ZDHHC4: variants seen among roughly 807,000 people sequenced by gnomAD.
ZDHHC4 encodes the protein palmitoyltransferase ZDHHC4.
A neutral mutation model predicts 36.7 loss-of-function variants in ZDHHC4; 42 were observed. The ratio of observed to expected loss-of-function variants is 1.14; its 90% CI spans 0.89 to 1.48. The LOEUF (loss-of-function observed/expected upper bound fraction) is 1.48, where lower values mean the gene tolerates loss of function less well. ZDHHC4 is among the 40% of genes most tolerant of loss of function. The pLI, the probability that ZDHHC4 is intolerant of heterozygous loss-of-function variation, is 0.00. For missense variants in ZDHHC4, 457 were observed against 421.5 expected (o/e 1.08, Z -0.74); for synonymous variants, 189 against 166.6 (o/e 1.13, Z -1.03).
At position 6,583,361 on chromosome 7, in the gene ZDHHC4, A is replaced by C. The variant is rs1450150597; in HGVS notation, c.426A>C (p.Glu142Asp). 1.2e-6 allele frequency: 2 copies of C among 1,613,806 alleles called. No individual in the cohort carries two copies. The highest frequency in any genetic ancestry group is 1.7e-6 in the Non-Finnish European group (2 of 1,179,942). Reference sequence around the variant, plus strand: ...TTCTTCATGTTTATGAATTTGATGAAGTGATGTTTCCAAAGAACGTGAGGT... The same window carrying C: ...TTCTTCATGTTTATGAATTTGATGACGTGATGTTTCCAAAGAACGTGAGGT... ...LLFLHVYEFD[E>D]VMFPKNVRCS... The change falls in exon 6 of 8, where the codon GAA (glutamate) becomes GAC (aspartate). Residue 142 changes from glutamate (E) to aspartate (D), a missense_variant. By Grantham distance (45) the Glu-to-Asp change is conservative (BLOSUM62 2). Transcript: ENST00000335965.
rs755793903 is a variant in ZDHHC4, at chr7:6,580,695, G to C, written c.117+17G>C. The C allele has an allele frequency of 6.2e-7, 1 of 1,605,574 alleles. No homozygotes were observed. Among genetic ancestry groups the C allele is most frequent in the Non-Finnish European group, 8.5e-7 (1 of 1,172,332 alleles). ...GGAGCACAGGTAAGGATGATCCTTG[G>C]ATGGCACTGGAATTTGAATACTGTG... On this transcript the variant is annotated intron_variant, in intron 3 of 7. Transcript: ENST00000335965.
At chr7:6,578,906 T>C (rs145318293) in intron 2 of ZDHHC4, among the ~76,000 whole-genome samples, 186 bp downstream of exon 2, 1,564 of 152,264 alleles carry the variant, frequency 0.01, 27 homozygotes, top group African/African-American at 0.035. Context: ...CAGGGTCTCA[T>C]GCTGTCGCCC....
chr7:6,583,447 G>A lies in ZDHHC4; in HGVS notation c.496+16G>A, dbSNP rs757555956. 30 of 1,599,578 alleles carry A rather than the reference G, an allele frequency of 1.9e-5. No homozygotes were observed. The Admixed American group carries it at 2.9e-4, about 16-fold the overall frequency. On this transcript the variant is annotated intron_variant, in intron 6 of 7. Coordinates refer to ENST00000335965, the MANE Select transcript of ZDHHC4 (RefSeq NM_001134389.2). Reference sequence around the variant, plus strand: ...AAGCACTGCAGTGAGTGTGGCTCTCGTGACTCCAGCGGCACCTCCAACAGC... The same window carrying A: ...AAGCACTGCAGTGAGTGTGGCTCTCATGACTCCAGCGGCACCTCCAACAGC...
At chr7:6,583,910 AAAATAC>A (rs1223162987) in intron 6 of ZDHHC4, 1 of 153,106 alleles carries the variant, frequency 6.5e-6, no homozygotes, top group Non-Finnish European at 1.5e-5. Context: ...ACCTCTACAA[AAAATAC>A]AAAAGATGTA....
chr7:6,589,082 T>C lies in ZDHHC4; in HGVS notation c.*172T>C. On this transcript the variant is annotated 3_prime_UTR_variant, in exon 8 of 8. Coordinates refer to ENST00000335965, the MANE Select transcript of ZDHHC4 (RefSeq NM_001134389.2). The stretch of plus-strand genomic sequence containing the variant: ...GACTGAGGAATCCCCCTTGCTTGTC[T>C]TCTTTTGAAACCGGGCATCTCTGAA... 1 of 785,502 alleles carries C rather than the reference T, an allele frequency of 1.3e-6. No homozygotes were observed. Among genetic ancestry groups the C allele is most frequent in the Non-Finnish European group, 2.0e-6 (1 of 504,488 alleles). 48.7% of individuals were successfully genotyped at this position (785,502 alleles called of 1,614,324 possible). A position where few individuals can be genotyped will look rare whatever the true frequency, so the allele number is the denominator to read the frequency against.
At chr7:6,583,663 C>A (rs1201847659) in intron 6 of ZDHHC4, 2 of 457,574 alleles carry the variant, frequency 4.4e-6, no homozygotes, top group African/African-American at 2.0e-5. Context: ...CTTCCCTCGC[C>A]ACGTGGCAGG....
In ZDHHC4 at chr7:6,581,594, C is replaced by G. The variant is rs1229836901; in HGVS notation, c.118-13C>G. ...GAAATGAAATTGAGTCTTTCTCTTT[C>G]CTTTTGTTTCAGATATTTTCCTGTA... On this transcript the variant is annotated splice_polypyrimidine_tract_variant and intron_variant, in intron 3 of 7. Transcript: ENST00000335965. 2 of 1,600,196 alleles carry G rather than the reference C, an allele frequency of 1.2e-6. No homozygotes were observed. Among genetic ancestry groups the G allele is most frequent in the Non-Finnish European group, 1.7e-6 (2 of 1,168,124 alleles).
chr7:6,580,746 G>A (rs1780786175), intron 3 of ZDHHC4, 68 bp downstream of exon 3: 2 of 1,493,668 alleles, frequency 1.3e-6, no homozygotes, highest in Non-Finnish European at 9.3e-7. Context: ...CACAGGTTTT[G>A]CTACAGGACA....
chr7:6,586,378 C>T (rs2115188179), intron 7 of ZDHHC4, among the ~76,000 whole-genome samples: 1 of 152,310 alleles, frequency 6.6e-6, no homozygotes, highest in Non-Finnish European at 1.5e-5. Context: ...CTGGACACTT[C>T]ATATAAATGG....
At chr7:6,581,710 C>A in intron 4 of ZDHHC4, 30 bp downstream of exon 4, 1 of 1,518,576 alleles carries the variant, frequency 6.6e-7, no homozygotes, top group South Asian at 1.1e-5. Context: ...TAAATATTCT[C>A]CTCTTTTCTG....
In ZDHHC4 at chr7:6,588,968, G is replaced by A. The variant is rs866818319; in HGVS notation, c.*58G>A. 7.1e-6 allele frequency: 11 copies of A among 1,552,778 alleles called. No individual in the cohort carries two copies. Among genetic ancestry groups the A allele is most frequent in the Middle Eastern group, 1.7e-4 (1 of 5,766 alleles). ...CGTTTATTTACACATGTGGATCCTC[G>A]TTTTCCAAGCATGGCTTGTTTGTTT... On this transcript the variant is annotated 3_prime_UTR_variant, in exon 8 of 8. Coordinates refer to ENST00000335965, the MANE Select transcript of ZDHHC4 (RefSeq NM_001134389.2).
At chr7:6,582,399 A>AT (rs376561136) in intron 5 of ZDHHC4, 148 bp downstream of exon 5, 4,509 of 733,580 alleles carry the variant, frequency 6.1e-3, no homozygotes, top group South Asian at 9.5e-3. Context: ...GTGTTTTCTA[A>AT]TTTTTTTTTT....
Position 6,589,017 on chromosome 7 carries a change from C to T in ZDHHC4, c.*107C>T, listed in dbSNP as rs1781478865. On this transcript the variant is annotated 3_prime_UTR_variant, in exon 8 of 8. Coordinates refer to ENST00000335965, the MANE Select transcript of ZDHHC4 (RefSeq NM_001134389.2). Reference sequence around the variant, plus strand: ...TTTGATTTCTGCTGTGCTTATAAATCACTTTCGGTGGGCAAGGGAGAGAGG... The same window carrying T: ...TTTGATTTCTGCTGTGCTTATAAATTACTTTCGGTGGGCAAGGGAGAGAGG... The T allele has an allele frequency of 7.1e-7, 1 of 1,418,396 alleles. No individual in the cohort carries two copies. The highest frequency in any genetic ancestry group is 2.1e-4 in the Middle Eastern group (1 of 4,714). 87.9% of individuals were successfully genotyped at this position (1,418,396 alleles called of 1,614,324 possible).
chr7:6,581,756 G>A, intron 4 of ZDHHC4, 76 bp downstream of exon 4: 1 of 1,242,580 alleles, frequency 8.0e-7, no homozygotes, highest in East Asian at 2.4e-5. Flanking sequence ...TCTAGCTTCA[G>A]GAAGCTCCTT....
intron 6 of ZDHHC4, chr7:6,584,136 T>A (rs886336544): frequency 6.6e-6 from 1 of 152,212 alleles, no homozygotes; most frequent in Non-Finnish European, 1.5e-5. Context: ...ATCAGGATGT[T>A]ATTTAACCTA....
chr7:6,578,083 G>T (rs1330385147), intron 1 of ZDHHC4, among the ~76,000 whole-genome samples: 1 of 152,100 alleles, frequency 6.6e-6, no homozygotes, highest in Non-Finnish European at 1.5e-5. Flanking sequence ...ACCCGCCTCG[G>T]CCTCCCAAAG....
At chr7:6,583,777 C>CT (rs1267862288) in intron 6 of ZDHHC4, 1 of 180,384 alleles carries the variant, frequency 5.5e-6, no homozygotes, top group Non-Finnish European at 1.1e-5. Context: ...CCCGTGCTGT[C>CT]TAACAAAAAT....
intron 6 of ZDHHC4, chr7:6,583,951 G>A (rs1294380524): frequency 6.6e-6 from 1 of 152,580 alleles, no homozygotes; most frequent in Non-Finnish European, 1.5e-5. Flanking sequence ...GGAGGCTGAG[G>A]CGGGAGGATC....
chr7:6,585,172 A>G lies in ZDHHC4; in HGVS notation c.653A>G (p.His218Arg), dbSNP rs1179430763. The change falls in exon 7 of 8, where the codon CAC (histidine) becomes CGC (arginine). Residue 218 changes from histidine to arginine, a missense_variant. Coordinates refer to ENST00000335965, the MANE Select transcript of ZDHHC4 (RefSeq NM_001134389.2). ...ATTGTGAGCACCACTTTTCTGGTCC[A>G]CTTGGTGGTGATGTCAGATTTATAC... ...VAIVSTTFLV[H>R]LVVMSDLYQE... is the part of the protein sequence containing the mutation. 1 of 1,614,172 alleles carries G rather than the reference A, an allele frequency of 6.2e-7. No homozygotes were observed. Among genetic ancestry groups the G allele is most frequent in the Non-Finnish European group, 8.5e-7 (1 of 1,180,024 alleles).
Sources: allele counts gnomAD v4.1 joint callset (sites outside exome capture counted in the v4.1 genomes callset), GRCh38; gene constraint gnomAD v4.1.1; transcripts MANE v1.5; gene names NCBI Gene and HGNC (gene_info 2026-07-23, HGNC 2026-07-21).